PLXNB3: variants seen among roughly 807,000 people sequenced by gnomAD.
PLXNB3 encodes plexin-B3.
In PLXNB3, 80 loss-of-function variants were observed where a neutral mutation model predicts 125.7. The observed-to-expected ratio is 0.64, with a 90% confidence interval of 0.53 to 0.77. The LOEUF (loss-of-function observed/expected upper bound fraction) is 0.77. Among genes scored for constraint, PLXNB3 ranks in the 30% least tolerant of loss-of-function variants. The pLI, the probability that PLXNB3 is intolerant of heterozygous loss-of-function variation, is 0.00. For missense variants in PLXNB3, 1,836 were observed against 1,729.3 expected, an observed-to-expected ratio of 1.06 and a Z score of -1.09; for synonymous variants, 954 against 783.3, an observed-to-expected ratio of 1.22 and a Z score of -3.64.
At position 153,772,002 on chromosome X, in the gene PLXNB3, C is replaced by T. The variant is rs1453766008; in HGVS notation, c.2656C>T (p.Arg886Cys). Residue 886 changes from arginine (R) to cysteine (C), a missense_variant, in exon 15 of 36, where the codon CGC becomes TGC. Transcript: ENST00000361971. ...RPCNPEPSLY[R>C]TSARIVCVTS... is the part of the protein sequence containing the mutation. ...CTGCAACCCTGAGCCCTCTCTCTAC[C>T]GCACGTCGGCCCGGTGAGGCACTTG... 4.2e-6 allele frequency: 5 copies of T among 1,193,641 alleles called. No homozygotes were observed. Among genetic ancestry groups the T allele is most frequent in the Non-Finnish European group, 5.6e-6 (5 of 885,612 alleles).
Position 153,772,730 on chromosome X carries a change from G to C in PLXNB3, c.2776-156G>C, listed in dbSNP as rs1008488204. 16 of 1,036,060 alleles carry C rather than the reference G, an allele frequency of 1.5e-5. No homozygotes were observed. The African/African-American group carries it at 2.7e-4, about 18-fold the overall frequency. The allele number at this position is 1,036,060 out of a possible 1,213,427, so 85.4% of individuals were successfully genotyped here. ...GTGGGAGGAAGCTGGCCAGTGTGCA[G>C]TGGCCTCGGGAAGGAGGGCGTGGTC... On this transcript the variant is annotated intron_variant, in intron 16 of 35. Transcript: ENST00000361971.
At chrX:153,768,003 G>A in intron 3 of PLXNB3, 90 bp downstream of exon 3, 4 of 969,572 alleles carry the variant, frequency 4.1e-6, no homozygotes, top group Non-Finnish European at 5.4e-6. Flanking sequence ...GGAAGTGCCA[G>A]CCAACCTCTC....
rs1557064241 is a variant in PLXNB3 at position 153,776,392 on chromosome X, C to G, written c.4766C>G (p.Ser1589Trp). The G allele has an allele frequency of 2.5e-6, 3 of 1,195,085 alleles. No homozygotes were observed. The highest frequency in any genetic ancestry group is 3.6e-5 in the South Asian group (2 of 56,116). ...GGCCTGGCTGGTCACCTGACCCTATCGGACGAAGACTTGACCTCCGTGACC... is the reference window on the plus strand; with the variant it reads ...GGCCTGGCTGGTCACCTGACCCTATGGGACGAAGACTTGACCTCCGTGACC... ...RSGLAGHLTLSDEDLTSVTQN... is the reference protein window; with the variant it reads ...RSGLAGHLTLWDEDLTSVTQN... Residue 1589 changes from serine (S) to tryptophan (W), a missense_variant, in exon 28 of 36, where the codon TCG (serine) becomes TGG (tryptophan). Ser to Trp is a radical substitution (Grantham distance 177). Coordinates refer to ENST00000361971, the MANE Select transcript of PLXNB3 (RefSeq NM_005393.3).
Position 153,771,894 on chromosome X carries a change from G to C in PLXNB3, c.2548G>C (p.Gly850Arg). The C allele has an allele frequency of 8.3e-7, 1 of 1,209,520 alleles. No individual in the cohort carries two copies. The highest frequency in any genetic ancestry group is 1.1e-6 in the Non-Finnish European group (1 of 895,119). The stretch of plus-strand genomic sequence containing the variant: ...GCCCCTGACCGGTCCCCCTGAGGGA[G>C]GCTTGGCCCTCACCATCCTGGGCTC... Reference protein sequence around the residue: ...VEPLTGPPEGGLALTILGSNL... With the variant: ...VEPLTGPPEGRLALTILGSNL... Residue 850 changes from glycine to arginine, a missense_variant, in exon 15 of 36, where the codon GGC becomes CGC. Coordinates refer to ENST00000361971, the MANE Select transcript of PLXNB3 (RefSeq NM_005393.3).
In PLXNB3 at chrX:153,774,341, C is replaced by T. The variant is rs376208061; in HGVS notation, c.3675C>T (p.Phe1225=). The T allele has an allele frequency of 6.0e-6, 7 of 1,157,592 alleles. No individual in the cohort carries two copies. The highest frequency in any genetic ancestry group is 8.1e-6 in the Non-Finnish European group (7 of 868,919). The change falls in exon 21 of 36, where the codon TTC becomes TTT. Residue 1225 remains phenylalanine (F), a synonymous_variant. Coordinates refer to ENST00000361971, the MANE Select transcript of PLXNB3 (RefSeq NM_005393.3). The part of the protein sequence containing the change: ...QPANGSGLPQ[F]VVQMGNVQLA... The stretch of plus-strand genomic sequence containing the variant: ...CCAATGGCTCCGGCCTGCCACAGTT[C>T]GTGGTGAGTCCGTGCCCTGGGTGGG...
Position 153,775,583 on chromosome X carries a change from G to C in PLXNB3, c.4335-11G>C. The C allele has an allele frequency of 1.7e-6, 2 of 1,208,562 alleles. No individual in the cohort carries two copies. Among genetic ancestry groups the C allele is most frequent in the Non-Finnish European group, 2.2e-6 (2 of 893,087 alleles). ...GCACAAAGGCCTGACCCTGTGGCCG[G>C]CTCCCCGCAGGACAGAGACCATGGT... is the stretch of plus-strand genomic sequence containing the variant. On this transcript the variant is annotated splice_polypyrimidine_tract_variant and intron_variant, in intron 25 of 35. Transcript: ENST00000361971.
intron 5 of PLXNB3, 27 bp downstream of exon 5, chrX:153,769,103 G>A: frequency 1.7e-6 from 2 of 1,204,224 alleles, no homozygotes; most frequent in Non-Finnish European, 2.2e-6. Context: ...GGCTGAAGGG[G>A]CCAGCACACG....
Position 153,773,216 on chromosome X carries a change from T to C in PLXNB3, c.2907-14T>C. On this transcript the variant is annotated splice_polypyrimidine_tract_variant and intron_variant, in intron 17 of 35. Coordinates refer to ENST00000361971, the MANE Select transcript of PLXNB3 (RefSeq NM_005393.3). ...GTAGAGCCGAGATGAGAGACCCCAC[T>C]ACCCATCCTGCAGCCTGGAGCCAGT... 8.4e-7 allele frequency: 1 copy of C among 1,192,975 alleles called. No individual in the cohort carries two copies. The highest frequency in any genetic ancestry group is 2.4e-4 in the Middle Eastern group (1 of 4,236).
At chrX:153,769,754 CATCCTTGGAGT>C in intron 6 of PLXNB3, 42 bp from the exon 7 acceptor site, 1 of 1,149,284 alleles carries the variant, frequency 8.7e-7, no homozygotes, top group Non-Finnish European at 1.2e-6. Context: ...TGTTGCCGGT[CATCCTTGGAGT>C]CTAGGACCCC....
At chrX:153,773,834 G>A (rs782410172) in intron 19 of PLXNB3, 25 bp from the exon 20 acceptor site, 4 of 1,210,286 alleles carry the variant, frequency 3.3e-6, no homozygotes, top group Non-Finnish European at 4.5e-6. Context: ...CACTCCACCT[G>A]TGGTCGGCCC....
rs376822277 is a variant in PLXNB3 at position 153,775,694 on chromosome X, G to A, written c.4401+34G>A. 4 of 1,179,093 alleles carry A rather than the reference G, an allele frequency of 3.4e-6. No homozygotes were observed. The South Asian group carries it at 5.4e-5, about 16-fold the overall frequency. ...CACTGTCCCGCCTGCTCCCAGCCCT[G>A]AGTGGCAGACTCCTCCCCTCTTGCC... On this transcript the variant is annotated intron_variant, in intron 26 of 35. Coordinates refer to ENST00000361971, the MANE Select transcript of PLXNB3 (RefSeq NM_005393.3).
chrX:153,771,314 A>T lies in PLXNB3; in HGVS notation c.2258A>T (p.Tyr753Phe). ...GACCCCACACTCTGCCCACAGTTTTATCCCTCCATGTCCCAGCGGGAGCTC... is the reference window on the plus strand; with the variant it reads ...GACCCCACACTCTGCCCACAGTTTTTTCCCTCCATGTCCCAGCGGGAGCTC... ...GLIHCQAHQF[Y>F]PSMSQRELPV... The change falls in exon 13 of 36, where the codon TAT becomes TTT. Residue 753 changes from tyrosine (Y) to phenylalanine (F), a missense_variant. Transcript: ENST00000361971. The T allele has an allele frequency of 8.3e-7, 1 of 1,206,604 alleles. No individual in the cohort carries two copies. Among genetic ancestry groups the T allele is most frequent in the African/African-American group, 1.7e-5 (1 of 57,762 alleles).
At chrX:153,766,061 C>G in intron 2 of PLXNB3, 1 of 1,059,101 alleles carries the variant, frequency 9.4e-7, no homozygotes. Flanking sequence ...TGTGCCAGGC[C>G]CTGAGAGACC....
rs782242697 is a variant in PLXNB3 at position 153,774,456 on chromosome X, G to A, written c.3715G>A (p.Val1239Met). 4.2e-6 allele frequency: 5 copies of A among 1,203,627 alleles called. No homozygotes were observed. Among genetic ancestry groups the A allele is most frequent in the Non-Finnish European group, 5.6e-6 (5 of 891,839 alleles). ...MGNVQLALGP[V>M]QYEAEPPLSA... is the part of the protein sequence containing the mutation. ...CAATGTGCAGCTGGCCCTGGGCCCT[G>A]TGCAGTACGAGGCTGAACCCCCGCT... Residue 1239 changes from valine (V) to methionine (M), a missense_variant, in exon 22 of 36, where the codon GTG becomes ATG. By Grantham distance (21) the Val-to-Met change is conservative (BLOSUM62 1). Transcript: ENST00000361971.
At chrX:153,771,431 G>C in intron 13 of PLXNB3, 28 bp downstream of exon 13, 2 of 1,206,529 alleles carry the variant, frequency 1.7e-6, no homozygotes, top group Non-Finnish European at 2.2e-6. Context: ...CAGGCAGGCG[G>C]GGCAGGGTGG....
chrX:153,777,025 G>A (rs781831812), intron 29 of PLXNB3, 45 bp downstream of exon 29: 12 of 1,036,019 alleles, frequency 1.2e-5, no homozygotes, highest in East Asian at 3.3e-5. Context: ...GTCCAGGCTG[G>A]GCAGGCAGAA....
In PLXNB3 at chrX:153,776,401, A is replaced by C; in HGVS notation, c.4775A>C (p.Asp1592Ala). The part of the protein sequence containing the change: ...LAGHLTLSDE[D>A]LTSVTQNHWK... The stretch of plus-strand genomic sequence containing the variant: ...GGTCACCTGACCCTATCGGACGAAG[A>C]CTTGACCTCCGTGACCCAAAACCAC... The change falls in exon 28 of 36, where the codon GAC becomes GCC. Residue 1592 changes from aspartate (D) to alanine (A), a missense_variant. Transcript: ENST00000361971. 1.7e-6 allele frequency: 2 copies of C among 1,192,652 alleles called. No individual in the cohort carries two copies. The highest frequency in any genetic ancestry group is 3.7e-5 in the African/African-American group (2 of 53,421).
Position 153,776,151 on chromosome X carries a change from T to C in PLXNB3, c.4666T>C (p.Leu1556=). The C allele has an allele frequency of 1.7e-6, 2 of 1,201,295 alleles. No individual in the cohort carries two copies. The highest frequency in any genetic ancestry group is 2.2e-6 in the Non-Finnish European group (2 of 890,739). ...CATCACCCAGGTCAAGGAGAAGGTG[T>C]TGGACCAAGTCTACAAGGGCACCCC... ...DTITQVKEKV[L]DQVYKGTPFS... The change falls in exon 27 of 36, where the codon TTG becomes CTG. Residue 1556 remains leucine (L), a synonymous_variant. Coordinates refer to ENST00000361971, the MANE Select transcript of PLXNB3 (RefSeq NM_005393.3).
rs1280664616 is a variant in PLXNB3 at position 153,776,842 on chromosome X, G to A, written c.4834-45G>A. The A allele has an allele frequency of 1.3e-5, 12 of 913,526 alleles. No homozygotes were observed. The African/African-American group carries it at 1.6e-4, about 12-fold the overall frequency. The allele number at this position is 913,526 out of a possible 1,213,427, so 75.3% of individuals were successfully genotyped here. ...AGGGCAGGATGTGGGCGGTGTAGGCGCCTGGCTAGGGGTCAGCACAGCCTC... is the reference window on the plus strand; with the variant it reads ...AGGGCAGGATGTGGGCGGTGTAGGCACCTGGCTAGGGGTCAGCACAGCCTC... On this transcript the variant is annotated intron_variant, in intron 28 of 35. Transcript: ENST00000361971.
Sources: allele counts gnomAD v4.1 joint callset, GRCh38; gene constraint gnomAD v4.1.1; transcripts MANE v1.5; gene names NCBI Gene and HGNC (gene_info 2026-07-23, HGNC 2026-07-21).